The following MARCHF8 variants were observed in gnomAD, a reference collection of about 807,000 sequenced individuals.
MARCHF8 encodes the protein membrane associated ring-CH-type finger 8, also known as E3 ubiquitin-protein ligase MARCHF8.
Under a neutral mutation model 51.6 loss-of-function variants are expected in MARCHF8, and 40 were observed. The observed-to-expected ratio is 0.77, with a 90% CI of 0.60 to 1.01. MARCHF8 has a LOEUF of 1.01. MARCHF8 is among the 50% of genes least tolerant of loss of function. The pLI is 0.00. For missense variants in MARCHF8, 685 were observed against 708.6 expected (o/e 0.97, Z 0.38); for synonymous variants, 263 against 280.3 (o/e 0.94, Z 0.62).
chr10:45,485,919 A>G (rs756119731), intron 3 of MARCHF8, among the ~76,000 whole-genome samples: 2 of 152,162 alleles, frequency 1.3e-5, no homozygotes, highest in Non-Finnish European at 2.9e-5. Flanking sequence ...ACGATTTTAC[A>G]TGTCACGGCC....
chr10:45,488,457 C>T (rs1382476831), intron 3 of MARCHF8, among the ~76,000 whole-genome samples: 1 of 152,006 alleles, frequency 6.6e-6, no homozygotes, highest in Non-Finnish European at 1.5e-5. Flanking sequence ...GAGCCTGGGT[C>T]CCTGGCAACA....
chr10:45,534,950 G>A (rs564252756), intron 1 of MARCHF8, among the ~76,000 whole-genome samples: 1 of 152,224 alleles, frequency 6.6e-6, no homozygotes, highest in African/African-American at 2.4e-5. Context: ...AACAAAAACT[G>A]GGAGGGATCA....
At chr10:45,549,103 G>T (rs1315543612) in intron 1 of MARCHF8, among the ~76,000 whole-genome samples, 1 of 152,088 alleles carries the variant, frequency 6.6e-6, no homozygotes, top group Non-Finnish European at 1.5e-5. Flanking sequence ...TATAGATAAC[G>T]AAAGGGGGAT....
intron 3 of MARCHF8, among the ~76,000 whole-genome samples, chr10:45,470,303 A>T (rs909426142): frequency 4.6e-5 from 7 of 152,160 alleles, no homozygotes; most frequent in African/African-American, 1.4e-4. Context: ...GGCAGAACAC[A>T]GCTCCCTAAA....
chr10:45,567,269 GCT>G (rs2133380922), intron 1 of MARCHF8, among the ~76,000 whole-genome samples: 1 of 152,260 alleles, frequency 6.6e-6, no homozygotes, highest in Admixed American at 6.5e-5. Context: ...CTGTGCAGAA[GCT>G]TTTTAACTTG....
At position 45,586,463 on chromosome 10, in the gene MARCHF8, G is replaced by A. The variant is rs76619885; in HGVS notation, c.-79+7772C>T. Among the ~76,000 whole-genome samples, 574 of 152,190 alleles carry A rather than the reference G, an allele frequency of 3.8e-3. 11 individuals carry two copies. The East Asian group carries it at 0.052, about 14-fold the overall frequency. ...TTCCGGTGTTAAGCACTGAGTACAA[G>A]TCATTTGTGAATTTAAGGTTTTATT... On this transcript the variant is annotated intron_variant, in intron 1 of 6. Coordinates refer to the MARCHF8 transcript ENST00000319836.
At chr10:45,512,708 C>A (rs2133205369) in intron 2 of MARCHF8, among the ~76,000 whole-genome samples, 1 of 152,248 alleles carries the variant, frequency 6.6e-6, no homozygotes, top group African/African-American at 2.4e-5. Context: ...CCGGCCACCA[C>A]CCCGTCTGGG....
intron 2 of MARCHF8, among the ~76,000 whole-genome samples, chr10:45,509,829 T>C (rs1392460438): frequency 1.3e-5 from 2 of 152,196 alleles, no homozygotes; most frequent in African/African-American, 2.4e-5. Context: ...TATAGAGTTA[T>C]TGGCATAGCT....
upstream of MARCHF8, among the ~76,000 whole-genome samples, chr10:45,535,585 T>G (rs2043960641): frequency 6.6e-6 from 1 of 152,152 alleles, no homozygotes; most frequent in Non-Finnish European, 1.5e-5. Flanking sequence ...GACCTATAAG[T>G]TTGCCTGAAA....
At chr10:45,465,622 T>C (rs995368942) in intron 3 of MARCHF8, among the ~76,000 whole-genome samples, 1 of 152,194 alleles carries the variant, frequency 6.6e-6, no homozygotes, top group Non-Finnish European at 1.5e-5. Flanking sequence ...AGGATGGCAC[T>C]CGGATTAAGG....
intron 3 of MARCHF8, among the ~76,000 whole-genome samples, chr10:45,469,737 C>A (rs1003748329): frequency 6.6e-6 from 1 of 151,538 alleles, no homozygotes; most frequent in Non-Finnish European, 1.5e-5. Flanking sequence ...TGGTGGCGGG[C>A]GCCTGTAGTC....
At chr10:45,525,181 G>C (rs888276555) in intron 2 of MARCHF8, among the ~76,000 whole-genome samples, 1 of 152,160 alleles carries the variant, frequency 6.6e-6, no homozygotes, top group African/African-American at 2.4e-5. Flanking sequence ...CAATACTCAT[G>C]TGTTTTTAGA....
chr10:45,570,953 A>C (rs2133389975), intron 1 of MARCHF8, among the ~76,000 whole-genome samples: 1 of 152,312 alleles, frequency 6.6e-6, no homozygotes, highest in African/African-American at 2.4e-5. Context: ...GAAGATATAT[A>C]CCATGTTTGT....
At chr10:45,509,221 AGTG>A (rs749336759) in intron 2 of MARCHF8, among the ~76,000 whole-genome samples, 13 of 152,348 alleles carry the variant, frequency 8.5e-5, no homozygotes, top group South Asian at 6.2e-4. Flanking sequence ...CCCCACATCC[AGTG>A]GAACAAAAAT....
chr10:45,508,101 A>C (rs1265810853), intron 2 of MARCHF8, among the ~76,000 whole-genome samples: 1 of 152,124 alleles, frequency 6.6e-6, no homozygotes, highest in Non-Finnish European at 1.5e-5. Context: ...CCTTCACTTT[A>C]TTTTCAAATG....
At chr10:45,556,493 G>A (rs1365190021) in intron 1 of MARCHF8, among the ~76,000 whole-genome samples, 1 of 152,184 alleles carries the variant, frequency 6.6e-6, no homozygotes, top group African/African-American at 2.4e-5. Context: ...CAGGCACAAG[G>A]CGGTTCACGG....
intron 1 of MARCHF8, among the ~76,000 whole-genome samples, chr10:45,584,796 AG>A (rs2044600758): frequency 6.6e-6 from 1 of 152,332 alleles, no homozygotes; most frequent in African/African-American, 2.4e-5. Flanking sequence ...AGAGATTCAA[AG>A]CATGAGAGAG....
At chr10:45,584,551 CTGG>C (rs2044597456) in intron 1 of MARCHF8, among the ~76,000 whole-genome samples, 1 of 152,092 alleles carries the variant, frequency 6.6e-6, no homozygotes, top group African/African-American at 2.4e-5. Context: ...TAAATGCATA[CTGG>C]TACCACCACT....
chr10:45,478,268 A>C (rs996750058), intron 3 of MARCHF8, among the ~76,000 whole-genome samples: 5 of 152,236 alleles, frequency 3.3e-5, no homozygotes, highest in African/African-American at 1.2e-4. Context: ...AATTACATGG[A>C]AATTAAACAA....
Sources: gnomAD v4.1 joint callset for allele counts (sites outside exome capture counted in the v4.1 genomes callset) on GRCh38, gnomAD v4.1.1 for gene constraint, MANE v1.5 for transcripts, NCBI Gene and HGNC (gene_info 2026-07-23, HGNC 2026-07-21) for gene names.